Variants in GPR139 observed in about 807,000 individuals in gnomAD.
GPR139 encodes the protein probable G protein-coupled receptor 139.
In GPR139, 12 loss-of-function variants were observed where a neutral mutation model predicts 25.8. The observed-to-expected ratio is 0.47, with a 90% CI of 0.30 to 0.75. The LOEUF (loss-of-function observed/expected upper bound fraction) is 0.75, where lower values mean the gene tolerates loss of function less well. GPR139 is among the 30% of genes least tolerant of loss of function. The pLI is 0.07. For synonymous variants in GPR139, 184 were observed against 179.9 expected, an observed-to-expected ratio of 1.02 and a Z score of -0.18; for missense variants, 380 against 450.2, an observed-to-expected ratio of 0.84 and a Z score of 1.41.
intron 1 of GPR139, among the ~76,000 whole-genome samples, chr16:20,035,960 T>C (rs1380313000): frequency 3.9e-5 from 6 of 152,230 alleles, no homozygotes; most frequent in African/African-American, 1.4e-4. Context: ...AGCATCTACT[T>C]TCTGTGGTCA....
chr16:20,070,422 A>G (rs1237198913), intron 1 of GPR139, among the ~76,000 whole-genome samples: 1 of 152,198 alleles, frequency 6.6e-6, no homozygotes, highest in Non-Finnish European at 1.5e-5. Context: ...CCCATTTTGC[A>G]GATGGGGAAA....
At chr16:20,070,063 C>T (rs1596472635) in intron 1 of GPR139, among the ~76,000 whole-genome samples, 1 of 152,326 alleles carries the variant, frequency 6.6e-6, no homozygotes, top group East Asian at 1.9e-4. Flanking sequence ...AACTGCCTGG[C>T]ATTAATGAAG....
chr16:20,031,706 C>T lies in GPR139; in HGVS notation c.*29G>A. ...CCTTCCCATCTGGAAATGGATTAGA[C>T]AGAGGCAGTAGTTGCCACACCTATG... On this transcript the variant is annotated 3_prime_UTR_variant, in exon 2 of 2. Coordinates refer to ENST00000570682, the MANE Select transcript of GPR139 (RefSeq NM_001002911.4). 6.4e-7 allele frequency: 1 copy of T among 1,558,898 alleles called. No individual in the cohort carries two copies.
Position 20,032,099 on chromosome 16 carries a change from A to G in GPR139, c.698T>C (p.Ile233Thr). The change falls in exon 2 of 2, where the codon ATT (isoleucine) becomes ACT (threonine). Residue 233 changes from isoleucine to threonine, a missense_variant. Ile to Thr is a moderately conservative substitution (Grantham distance 89). Transcript: ENST00000570682. Reference protein sequence around the residue: ...TGKTTAILFTITSIFATLWAP... With the variant: ...TGKTTAILFTTTSIFATLWAP... ...CCAAAGTGTGGCAAAGATGGAGGTA[A>G]TGGTGAACAAGATGGCGGTGGTCTT... 2 of 1,614,212 alleles carry G rather than the reference A, an allele frequency of 1.2e-6. No individual in the cohort carries two copies. Among genetic ancestry groups the G allele is most frequent in the Non-Finnish European group, 1.7e-6 (2 of 1,180,036 alleles).
At chr16:20,043,950 G>T (rs1318727064) in intron 1 of GPR139, among the ~76,000 whole-genome samples, 3 of 142,706 alleles carry the variant, frequency 2.1e-5, no homozygotes, top group Non-Finnish European at 4.6e-5. Context: ...TTCTAGATCT[G>T]CACTTTTCTA....
chr16:20,060,790 C>T (rs769419315), intron 1 of GPR139, among the ~76,000 whole-genome samples: 52 of 152,096 alleles, frequency 3.4e-4, no homozygotes, highest in Non-Finnish European at 1.0e-4. Context: ...ACACTCTGAC[C>T]CTCTTGCTGT....
At chr16:20,058,244 G>T (rs1344204171) in intron 1 of GPR139, among the ~76,000 whole-genome samples, 1 of 152,158 alleles carries the variant, frequency 6.6e-6, no homozygotes, top group African/African-American at 2.4e-5. Flanking sequence ...TCAAATCCAG[G>T]TCTTACAGCC....
intron 1 of GPR139, among the ~76,000 whole-genome samples, chr16:20,054,566 C>T (rs551897515): frequency 2.0e-5 from 3 of 152,158 alleles, no homozygotes; most frequent in Admixed American, 6.5e-5. Flanking sequence ...AAGAAGATTC[C>T]GTTTTACAAC....
At chr16:20,042,325 A>T (rs1487168692) in intron 1 of GPR139, among the ~76,000 whole-genome samples, 1 of 152,160 alleles carries the variant, frequency 6.6e-6, no homozygotes, top group East Asian at 1.9e-4. Context: ...TAGAGGCGGG[A>T]ATCTGCACTA....
At position 20,073,315 on chromosome 16, in the gene GPR139, C is replaced by T. The variant is rs913941251; in HGVS notation, c.127+175G>A. 6.6e-6 allele frequency among the ~76,000 whole-genome samples: 1 copy of T among 151,936 alleles called. No individual in the cohort carries two copies. Among genetic ancestry groups the T allele is most frequent in the African/African-American group, 2.4e-5 (1 of 41,384 alleles). On this transcript the variant is annotated intron_variant, in intron 1 of 1. Coordinates refer to ENST00000570682, the MANE Select transcript of GPR139 (RefSeq NM_001002911.4). This position sits in a 1 kb window ranked among gnomAD's most constrained non-coding sequence, Gnocchi z 4.7. ...GCACACACACACACACGGTCCCCAG[C>T]TAGGGCACAGCAACTTCCTTTCCCC...
rs2057290044 is a variant in GPR139 at position 20,031,825 on chromosome 16, G to A, written c.972C>T (p.Ser324=). 6.2e-7 allele frequency: 1 copy of A among 1,614,200 alleles called. No individual in the cohort carries two copies. Residue 324 remains serine, a synonymous_variant, in exon 2 of 2, where the codon AGC becomes AGT. Transcript: ENST00000570682. ...YTNHNFSITS[S]PWISPANSHC... is the part of the protein sequence containing the mutation. ...GTGAGTTTGCCGGCGAGATCCAGGGGCTACTTGTTATGGAAAAGTTATGAT... is the reference window on the plus strand; with the variant it reads ...GTGAGTTTGCCGGCGAGATCCAGGGACTACTTGTTATGGAAAAGTTATGAT...
At chr16:20,049,982 C>T (rs1477336594) in intron 1 of GPR139, among the ~76,000 whole-genome samples, 1 of 152,202 alleles carries the variant, frequency 6.6e-6, no homozygotes, top group African/African-American at 2.4e-5. Flanking sequence ...CTTTCCATTG[C>T]AAATAGTGAC....
chr16:20,059,275 C>G (rs1229150086), intron 1 of GPR139, among the ~76,000 whole-genome samples: 6 of 152,178 alleles, frequency 3.9e-5, no homozygotes, highest in African/African-American at 1.4e-4. Flanking sequence ...GCTCCTGTGC[C>G]TTCTTGCAGC....
Position 20,032,117 on chromosome 16 carries a change from G to A in GPR139, c.680C>T (p.Thr227Ile), listed in dbSNP as rs780690861. 2.5e-6 allele frequency: 4 copies of A among 1,614,222 alleles called. No homozygotes were observed. The highest frequency in any genetic ancestry group is 1.7e-5 in the Admixed American group (1 of 60,032). Reference sequence around the variant, plus strand: ...GGAGGTAATGGTGAACAAGATGGCGGTGGTCTTCCCCGTGGAGTAGCCACG... The same window carrying A: ...GGAGGTAATGGTGAACAAGATGGCGATGGTCTTCCCCGTGGAGTAGCCACG... ...RLRGYSTGKT[T>I]AILFTITSIF... is the part of the protein sequence containing the mutation. The change falls in exon 2 of 2, where the codon ACC (threonine) becomes ATC (isoleucine). Residue 227 changes from threonine to isoleucine, a missense_variant. Thr to Ile is a moderately conservative substitution (Grantham distance 89). Coordinates refer to ENST00000570682, the MANE Select transcript of GPR139 (RefSeq NM_001002911.4).
chr16:20,041,247 AGAGG>A (rs2057333634), intron 1 of GPR139, among the ~76,000 whole-genome samples: 1 of 5,608 alleles, frequency 1.8e-4, no homozygotes, highest in Non-Finnish European at 4.7e-4. Flanking sequence ...AGAGGAGAGG[AGAGG>A]GAAGGAGAAA....
chr16:20,049,872 G>T (rs2057366242), intron 1 of GPR139, among the ~76,000 whole-genome samples: 1 of 152,216 alleles, frequency 6.6e-6, no homozygotes, highest in African/African-American at 2.4e-5. Flanking sequence ...CTGGCACATG[G>T]TGATGCTCAA....
rs2057465287 is a variant in GPR139 at position 20,073,026 on chromosome 16, G to A, written c.127+464C>T. Reference sequence around the variant, plus strand: ...CTCCAGCTTCATCTCGTGTCAGGCGGGGACACGCAGAGGGGCAGAGGTGCC... The same window carrying A: ...CTCCAGCTTCATCTCGTGTCAGGCGAGGACACGCAGAGGGGCAGAGGTGCC... On this transcript the variant is annotated intron_variant, in intron 1 of 1. Coordinates refer to ENST00000570682, the MANE Select transcript of GPR139 (RefSeq NM_001002911.4). The surrounding 1 kb of genome is among the most constrained non-coding windows in gnomAD (Gnocchi z 4.7). Among the ~76,000 whole-genome samples, 1 of 152,216 alleles carries A rather than the reference G, an allele frequency of 6.6e-6. No individual in the cohort carries two copies. The highest frequency in any genetic ancestry group is 2.4e-5 in the African/African-American group (1 of 41,458).
intron 1 of GPR139, among the ~76,000 whole-genome samples, chr16:20,067,176 C>T (rs1399721203): frequency 2.6e-5 from 4 of 152,128 alleles, no homozygotes; most frequent in Non-Finnish European, 5.9e-5. Flanking sequence ...TAAGCAGGAG[C>T]GAAAACTACA....
intron 1 of GPR139, among the ~76,000 whole-genome samples, chr16:20,062,789 A>G (rs1481626801): frequency 2.6e-5 from 4 of 152,262 alleles, no homozygotes; most frequent in Non-Finnish European, 5.9e-5. Context: ...AGATAATTTT[A>G]ACAATATATT....
Sources: allele counts gnomAD v4.1 joint callset (sites outside exome capture counted in the v4.1 genomes callset), GRCh38; gene constraint gnomAD v4.1.1; non-coding constraint Gnocchi (gnomAD v3.1); transcripts MANE v1.5; gene names NCBI Gene and HGNC (gene_info 2026-07-23, HGNC 2026-07-21).